Variants in FIRRM observed in about 807,000 individuals in gnomAD.
FIRRM encodes the protein FIGNL1 interacting regulator of recombination and mitosis.
the FIRRM span, chr1:169,830,889 C>CCTG: frequency 1.4e-6 from 1 of 712,424 alleles, no homozygotes; most frequent in Non-Finnish European, 2.4e-6. Context: ...TGTATTAATG[C>CCTG]TGATGCTTTT....
chr1:169,811,674 A>T, the FIRRM span, among the ~76,000 whole-genome samples: 11 of 143,072 alleles, frequency 7.7e-5, no homozygotes, highest in South Asian at 1.4e-3. Flanking sequence ...ATAGATAGAT[A>T]ATCTAAATAG....
At chr1:169,794,301 ATTTTATTT>A in the FIRRM span, among the ~76,000 whole-genome samples, 1 of 152,170 alleles carries the variant, frequency 6.6e-6, no homozygotes, top group African/African-American at 2.4e-5. Context: ...GAGGTGCAGT[ATTTTATTT>A]TGGTAAGTCA....
the FIRRM span, among the ~76,000 whole-genome samples, chr1:169,790,091 A>G: frequency 6.6e-6 from 1 of 152,244 alleles, no homozygotes; most frequent in Admixed American, 6.5e-5. Flanking sequence ...TTGTAGCCAT[A>G]ATTTGTGTCT....
At chr1:169,806,613 G>A in the FIRRM span, among the ~76,000 whole-genome samples, 4 of 152,114 alleles carry the variant, frequency 2.6e-5, no homozygotes, top group African/African-American at 9.7e-5. Context: ...ATGTAAAAAT[G>A]GTTAAGAATA....
At chr1:169,821,654 T>C in the FIRRM span, 1 of 1,495,380 alleles carries the variant, frequency 6.7e-7, no homozygotes, top group South Asian at 1.3e-5. Flanking sequence ...TTTATTATGC[T>C]TTCTTATTTC....
At chr1:169,825,052 C>G in the FIRRM span, among the ~76,000 whole-genome samples, 2 of 152,246 alleles carry the variant, frequency 1.3e-5, no homozygotes, top group South Asian at 2.1e-4. Flanking sequence ...AAAACCTTGC[C>G]CTATTAACAT....
At chr1:169,813,486 G>A in the FIRRM span, among the ~76,000 whole-genome samples, 137 of 152,192 alleles carry the variant, frequency 9.0e-4, 1 homozygote, top group South Asian at 0.016. Context: ...TCCTATTTTC[G>A]TCTACTAGAA....
chr1:169,820,508 A>G, the FIRRM span, among the ~76,000 whole-genome samples: 1 of 152,192 alleles, frequency 6.6e-6, no homozygotes, highest in Non-Finnish European at 1.5e-5. Context: ...GTTCTTAGCC[A>G]AGAGGGACTT....
At chr1:169,812,483 T>G in the FIRRM span, among the ~76,000 whole-genome samples, 1 of 152,218 alleles carries the variant, frequency 6.6e-6, no homozygotes, top group African/African-American at 2.4e-5. Flanking sequence ...TGATGACGTC[T>G]ATGCTGATTA....
At chr1:169,824,475 A>G in the FIRRM span, among the ~76,000 whole-genome samples, 1 of 152,220 alleles carries the variant, frequency 6.6e-6, no homozygotes, top group African/African-American at 2.4e-5. Flanking sequence ...TCCTCCTACA[A>G]ATACCGTCTC....
At chr1:169,819,202 T>A in the FIRRM span, among the ~76,000 whole-genome samples, 1 of 152,212 alleles carries the variant, frequency 6.6e-6, no homozygotes, top group Non-Finnish European at 1.5e-5. Context: ...ACCATGCATT[T>A]CATTGCAAAG....
chr1:169,787,008 T>C, the FIRRM span, among the ~76,000 whole-genome samples: 1 of 152,194 alleles, frequency 6.6e-6, no homozygotes, highest in African/African-American at 2.4e-5. Flanking sequence ...ACACAGATAC[T>C]GTGTGGCTAA....
At chr1:169,789,731 C>A in the FIRRM span, among the ~76,000 whole-genome samples, 3 of 152,020 alleles carry the variant, frequency 2.0e-5, no homozygotes, top group Admixed American at 6.6e-5. Context: ...GTGGGCAGAG[C>A]GAGGTTTAGA....
the FIRRM span, among the ~76,000 whole-genome samples, chr1:169,804,618 C>T: frequency 6.6e-6 from 1 of 152,120 alleles, no homozygotes; most frequent in Non-Finnish European, 1.5e-5. Context: ...TATGTCTATT[C>T]TCATATACAT....
chr1:169,813,337 G>A, the FIRRM span, among the ~76,000 whole-genome samples: 2 of 152,196 alleles, frequency 1.3e-5, no homozygotes, highest in Admixed American at 1.3e-4. Flanking sequence ...AGTAGGACCA[G>A]GACTTAAATC....
the FIRRM span, chr1:169,851,865 C>T: frequency 1.2e-6 from 2 of 1,613,934 alleles, no homozygotes; most frequent in Non-Finnish European, 8.5e-7. Context: ...ACGTGTGAAA[C>T]AGGAAAAAGG....
the FIRRM span, among the ~76,000 whole-genome samples, chr1:169,823,242 C>T: frequency 1.3e-5 from 2 of 148,348 alleles, no homozygotes; most frequent in South Asian, 2.1e-4. Context: ...AAGAGTGAAA[C>T]GCTATCTCAA....
chr1:169,847,634 G>T, the FIRRM span: 1 of 1,247,772 alleles, frequency 8.0e-7, no homozygotes, highest in South Asian at 1.3e-5. Flanking sequence ...CAGTTATTGT[G>T]TCTGTACAAA....
the FIRRM span, chr1:169,830,346 A>G: frequency 4.9e-4 from 789 of 1,612,374 alleles, 2 homozygotes; most frequent in Middle Eastern, 1.2e-3. Context: ...TGCTCGGTAC[A>G]ACATATTTGC....
Sources: gnomAD v4.1 joint callset for allele counts (sites outside exome capture counted in the v4.1 genomes callset) on GRCh38, gnomAD v4.1.1 for gene constraint, MANE v1.5 for transcripts, NCBI Gene and HGNC (gene_info 2026-07-23, HGNC 2026-07-21) for gene names.